UGT2B7: variants seen among roughly 807,000 people sequenced by gnomAD.
UGT2B7 encodes the protein UDP-glucuronosyltransferase 2B7.
A neutral mutation model predicts 51.9 loss-of-function variants in UGT2B7; 51 were observed. That is an observed-to-expected ratio of 0.98 (90% CI 0.78 to 1.24). The LOEUF (loss-of-function observed/expected upper bound fraction) is 1.24, where lower values mean the gene tolerates loss of function less well. UGT2B7 is among the 50% of genes most tolerant of loss of function. The probability of loss-of-function intolerance (pLI) is 0.00; values close to 1 mark genes in which losing one functional copy is unlikely to be tolerated. For missense variants in UGT2B7, 727 were observed against 628.4 expected, an observed-to-expected ratio of 1.16 and a Z score of -1.68; for synonymous variants, 225 against 211.6, an observed-to-expected ratio of 1.06 and a Z score of -0.55.
At chr4:69,104,213 G>A (rs1321739718) in intron 3 of UGT2B7, among the ~76,000 whole-genome samples, 1 of 152,072 alleles carries the variant, frequency 6.6e-6, no homozygotes, top group Admixed American at 6.6e-5. Context: ...CTTGAACCTG[G>A]GAGGCAGAGG....
At chr4:69,110,126 G>A (rs1277101163) in intron 5 of UGT2B7, among the ~76,000 whole-genome samples, 4 of 152,014 alleles carry the variant, frequency 2.6e-5, no homozygotes, top group African/African-American at 4.8e-5. Flanking sequence ...ATCTTATAAT[G>A]TAAAATGATA....
chr4:69,072,615 A>T (rs1165682134), intron 1 of UGT2B7, among the ~76,000 whole-genome samples: 6 of 152,188 alleles, frequency 3.9e-5, no homozygotes, highest in Admixed American at 6.6e-5. Flanking sequence ...ATTCTTTAAC[A>T]TACAAATTCT....
intron 1 of UGT2B7, among the ~76,000 whole-genome samples, chr4:69,065,011 A>G (rs1056382041): frequency 6.6e-6 from 1 of 152,100 alleles, no homozygotes; most frequent in Non-Finnish European, 1.5e-5. Flanking sequence ...TATTTACAGG[A>G]TTCCTAAGTG....
chr4:69,081,373 T>C (rs1447524761), intron 1 of UGT2B7, among the ~76,000 whole-genome samples: 1 of 152,154 alleles, frequency 6.6e-6, no homozygotes, highest in Non-Finnish European at 1.5e-5. Context: ...TTTTCCTACA[T>C]TTACACTCTT....
At chr4:69,080,483 A>G (rs1160985173) in intron 1 of UGT2B7, among the ~76,000 whole-genome samples, 1 of 150,508 alleles carries the variant, frequency 6.6e-6, no homozygotes, top group African/African-American at 2.4e-5. Flanking sequence ...AGAAGGCAGA[A>G]GTTGCAGTGA....
upstream of UGT2B7, among the ~76,000 whole-genome samples, chr4:69,091,508 G>A (rs539235724): frequency 2.0e-5 from 3 of 151,986 alleles, no homozygotes; most frequent in Non-Finnish European, 2.9e-5. Context: ...TTTGATTGCC[G>A]TAATAAACAT....
chr4:69,070,259 A>G (rs1009298301), intron 1 of UGT2B7, among the ~76,000 whole-genome samples: 1 of 147,460 alleles, frequency 6.8e-6, no homozygotes, highest in African/African-American at 2.4e-5. Context: ...TATATATTTT[A>G]TATATTATAC....
chr4:69,106,275 C>T (rs1399805766), intron 3 of UGT2B7, among the ~76,000 whole-genome samples: 1 of 152,032 alleles, frequency 6.6e-6, no homozygotes, highest in Non-Finnish European at 1.5e-5. Context: ...CAATACACCA[C>T]AGTGTATGTT....
chr4:69,061,325 T>A (rs945665649), intron 1 of UGT2B7, among the ~76,000 whole-genome samples: 4 of 152,192 alleles, frequency 2.6e-5, no homozygotes, highest in African/African-American at 9.7e-5. Context: ...CTCCTGGATG[T>A]GGTATGGGCC....
At chr4:69,088,950 A>G (rs1719023758) in intron 1 of UGT2B7, among the ~76,000 whole-genome samples, 1 of 152,078 alleles carries the variant, frequency 6.6e-6, no homozygotes, top group Non-Finnish European at 1.5e-5. Flanking sequence ...TGGTGTGTGG[A>G]AGGGGTGCCA....
chr4:69,105,000 A>G (rs1719551041), intron 3 of UGT2B7, among the ~76,000 whole-genome samples: 2 of 152,164 alleles, frequency 1.3e-5, no homozygotes, highest in Non-Finnish European at 2.9e-5. Context: ...GTACCCACAT[A>G]GCCAGATAGA....
chr4:69,086,270 A>G (rs2109876651), intron 1 of UGT2B7, among the ~76,000 whole-genome samples: 1 of 151,874 alleles, frequency 6.6e-6, no homozygotes, highest in South Asian at 2.1e-4. Context: ...AGCACATTTA[A>G]TTTATGTATA....
At chr4:69,102,061 A>T (rs1210016582) in intron 2 of UGT2B7, among the ~76,000 whole-genome samples, 1 of 152,202 alleles carries the variant, frequency 6.6e-6, no homozygotes, top group Non-Finnish European at 1.5e-5. Context: ...GAAAAATATG[A>T]TCATTCAACT....
At chr4:69,064,594 C>T (rs1326719230) in intron 1 of UGT2B7, among the ~76,000 whole-genome samples, 2 of 152,160 alleles carry the variant, frequency 1.3e-5, no homozygotes, top group African/African-American at 4.8e-5. Context: ...ATTAATTGTT[C>T]TCCCTCTGTA....
intron 4 of UGT2B7, 88 bp from the exon 5 acceptor site, chr4:69,108,015 C>T (rs1300343094): frequency 6.7e-7 from 1 of 1,490,986 alleles, no homozygotes; most frequent in East Asian, 2.3e-5. Context: ...AGTGTTTTAG[C>T]TGGAAAACAC....
At chr4:69,070,866 C>G (rs1560501453) in intron 1 of UGT2B7, among the ~76,000 whole-genome samples, 1 of 152,014 alleles carries the variant, frequency 6.6e-6, no homozygotes, top group African/African-American at 2.4e-5. Context: ...GGCGTTTAGG[C>G]AAGTTCTTCA....
At chr4:69,084,973 G>A (rs1718916771) in intron 1 of UGT2B7, among the ~76,000 whole-genome samples, 1 of 152,008 alleles carries the variant, frequency 6.6e-6, no homozygotes, top group Non-Finnish European at 1.5e-5. Flanking sequence ...GTAATCCTTT[G>A]GGTAGATGCC....
chr4:69,076,087 T>C (rs1488327587), intron 1 of UGT2B7, among the ~76,000 whole-genome samples: 1 of 152,180 alleles, frequency 6.6e-6, no homozygotes. Context: ...GCTTCATCCA[T>C]GTCCCTGCAA....
At chr4:69,073,013 G>A (rs180729954) in intron 1 of UGT2B7, among the ~76,000 whole-genome samples, 9 of 152,242 alleles carry the variant, frequency 5.9e-5, no homozygotes, top group African/African-American at 2.2e-4. Context: ...TGAGCTTAGA[G>A]TTGGCCCACT....
Sources: allele counts gnomAD v4.1 joint callset (sites outside exome capture counted in the v4.1 genomes callset), GRCh38; gene constraint gnomAD v4.1.1; transcripts MANE v1.5; gene names NCBI Gene and HGNC (gene_info 2026-07-23, HGNC 2026-07-21).